The following RNF19A variants were observed in gnomAD, a reference collection of about 807,000 sequenced individuals.
The protein encoded by RNF19A is ring finger protein 19A, RBR E3 ubiquitin protein ligase, also known as E3 ubiquitin-protein ligase RNF19A.
A neutral mutation model predicts 75.7 loss-of-function variants in RNF19A; 32 were observed. That is an observed-to-expected ratio of 0.42 (90% CI 0.32 to 0.57). The LOEUF is 0.57. RNF19A is among the 20% of genes least tolerant of loss of function. The pLI, the probability that RNF19A is intolerant of heterozygous loss-of-function variation, is 0.10. For missense variants in RNF19A, 782 were observed against 1,036.3 expected (o/e 0.75, Z 3.37); for synonymous variants, 335 against 345.2 (o/e 0.97, Z 0.33).
rs145257484 is a variant in RNF19A at position 100,323,398 on chromosome 8, C to T, written c.-242-10026G>A. On this transcript the variant is annotated intron_variant, in intron 1 of 3. Coordinates refer to the RNF19A transcript ENST00000519527. This position sits in a 1 kb window ranked among gnomAD's most constrained non-coding sequence, Gnocchi z 4.6. ...CAGCACTGAAACAGTAAGAAGAAAA[C>T]AGTAGAGAAAGGCAACTAAGTAGAA... 3.3e-4 allele frequency among the ~76,000 whole-genome samples: 50 copies of T among 152,252 alleles called. No homozygotes were observed. Among genetic ancestry groups the T allele is most frequent in the African/African-American group, 1.1e-3 (44 of 41,540 alleles).
intron 2 of RNF19A, among the ~76,000 whole-genome samples, chr8:100,283,372 C>T (rs1353792396): frequency 6.6e-6 from 1 of 152,138 alleles, no homozygotes; most frequent in African/African-American, 2.4e-5. Context: ...CACTGGGATC[C>T]CTCCCCCAAT....
intron 2 of RNF19A, among the ~76,000 whole-genome samples, chr8:100,276,542 AG>A (rs1359878970): frequency 1.3e-5 from 2 of 152,002 alleles, no homozygotes; most frequent in Non-Finnish European, 2.9e-5. Context: ...ACTTGAGGTC[AG>A]GAGTTCAAGA....
At chr8:100,291,092 G>A (rs1318957049) in intron 1 of RNF19A, among the ~76,000 whole-genome samples, 1 of 152,096 alleles carries the variant, frequency 6.6e-6, no homozygotes, top group Non-Finnish European at 1.5e-5. Flanking sequence ...AAGAGAACTT[G>A]GGAGTCAAAA....
intron 1 of RNF19A, among the ~76,000 whole-genome samples, chr8:100,327,085 GA>G (rs5893512): frequency 0.048 from 7,282 of 151,970 alleles, 540 homozygotes; most frequent in African/African-American, 0.17. Flanking sequence ...ATTTTGCTAT[GA>G]AAAAAGTCCC....
intron 7 of RNF19A, 40 bp downstream of exon 7, chr8:100,263,994 G>A (rs770790539): frequency 1.3e-6 from 2 of 1,578,814 alleles, no homozygotes; most frequent in South Asian, 2.3e-5. Flanking sequence ...TACTTACACT[G>A]TTAATAAGCA....
At chr8:100,305,438 G>A (rs17337916) in intron 1 of RNF19A, among the ~76,000 whole-genome samples, 26,425 of 152,112 alleles carry the variant, frequency 0.17, 2,449 homozygotes, top group Middle Eastern at 0.22. Flanking sequence ...CTAGAGCTAC[G>A]CTGTCCAATA....
chr8:100,274,725 A>C (rs1417339463), intron 3 of RNF19A, among the ~76,000 whole-genome samples: 3 of 152,154 alleles, frequency 2.0e-5, no homozygotes, highest in African/African-American at 7.2e-5. Context: ...ATCTTTGGCT[A>C]TCAGTTATAT....
chr8:100,283,570 G>C (rs1820880833), intron 2 of RNF19A, among the ~76,000 whole-genome samples: 1 of 152,156 alleles, frequency 6.6e-6, no homozygotes, highest in African/African-American at 2.4e-5. Flanking sequence ...GCCCTCAAAA[G>C]AGTGGAAAGA....
chr8:100,284,116 G>A lies in RNF19A; in HGVS notation c.674+3385C>T, dbSNP rs1045138354. On this transcript the variant is annotated intron_variant, in intron 2 of 9. Coordinates refer to ENST00000341084, the MANE Select transcript of RNF19A (RefSeq NM_183419.4). The surrounding 1 kb of genome is among the most constrained non-coding windows in gnomAD (Gnocchi z 4.3). ...AAAGCAAAACTTTGGAAATACAGAT[G>A]AAGAATAATAAGTAAGAGCAATGAC... Among the ~76,000 whole-genome samples, 1 of 151,904 alleles carries A rather than the reference G, an allele frequency of 6.6e-6. No individual in the cohort carries two copies. Among genetic ancestry groups the A allele is most frequent in the Non-Finnish European group, 1.5e-5 (1 of 67,962 alleles).
chr8:100,300,275 A>G (rs1821764433), intron 1 of RNF19A, among the ~76,000 whole-genome samples: 1 of 152,242 alleles, frequency 6.6e-6, no homozygotes, highest in Non-Finnish European at 1.5e-5. Context: ...AAAGACAGAA[A>G]AATCTAGGTA....
intron 1 of RNF19A, among the ~76,000 whole-genome samples, chr8:100,305,384 A>G (rs1056293261): frequency 6.6e-6 from 1 of 152,224 alleles, no homozygotes; most frequent in Non-Finnish European, 1.5e-5. Context: ...AAAGACTACA[A>G]AAAGACAAGT....
Position 100,287,867 on chromosome 8 carries a change from G to C in RNF19A, c.308C>G (p.Thr103Ser). 6.2e-7 allele frequency: 1 copy of C among 1,614,136 alleles called. No homozygotes were observed. ...SIESIHSEMC[T>S]DKNSIFSTNT... ...TGTAGAGAAAATGGAGTTCTTATCAGTACACATTTCAGAATGTATACTTTC... is the reference window on the plus strand; with the variant it reads ...TGTAGAGAAAATGGAGTTCTTATCACTACACATTTCAGAATGTATACTTTC... Residue 103 changes from threonine to serine, a missense_variant, in exon 2 of 10, where the codon ACT (threonine) becomes AGT (serine). This residue lies in a region of RNF19A where 148 missense variants were observed against 147.9 expected (regional missense o/e 1.00). Transcript: ENST00000341084. The surrounding 1 kb of genome is among the most constrained non-coding windows in gnomAD (Gnocchi z 4.1).
chr8:100,310,026 C>A (rs1822240731), upstream of RNF19A: 3 of 985,528 alleles, frequency 3.0e-6, no homozygotes, highest in Non-Finnish European at 1.2e-6. Context: ...GGAGTCCCGA[C>A]GGCCGCTTTC....
At chr8:100,276,143 G>C (rs1820499088) in intron 2 of RNF19A, among the ~76,000 whole-genome samples, 2 of 152,058 alleles carry the variant, frequency 1.3e-5, no homozygotes, top group Admixed American at 6.6e-5. Flanking sequence ...ACAAAAACTT[G>C]TACACTAATG....
At chr8:100,315,170 C>A (rs1023965931) in intron 1 of RNF19A, among the ~76,000 whole-genome samples, 5 of 152,130 alleles carry the variant, frequency 3.3e-5, no homozygotes, top group Non-Finnish European at 7.4e-5. Flanking sequence ...CACCTGTAGT[C>A]CGAGCTACTC....
At chr8:100,302,733 T>G (rs994375805) in intron 1 of RNF19A, among the ~76,000 whole-genome samples, 3 of 152,026 alleles carry the variant, frequency 2.0e-5, no homozygotes, top group African/African-American at 7.3e-5. Flanking sequence ...ACAGAAAAGG[T>G]GGAAGGGGGA....
chr8:100,271,710 C>A (rs1820264167), intron 3 of RNF19A, among the ~76,000 whole-genome samples: 1 of 152,114 alleles, frequency 6.6e-6, no homozygotes, highest in Non-Finnish European at 1.5e-5. Flanking sequence ...CCATATCTTT[C>A]ACTCTCTGTA....
chr8:100,269,396 T>G lies in RNF19A; in HGVS notation c.1029-449A>C, dbSNP rs1227661647. ...GTATAAGGTAAGAACCACTGTAAAT[T>G]ATATTAACAAGATACTGATAACTGA... On this transcript the variant is annotated intron_variant, in intron 4 of 9. Coordinates refer to ENST00000341084, the MANE Select transcript of RNF19A (RefSeq NM_183419.4). This position sits in a 1 kb window ranked among gnomAD's most constrained non-coding sequence, Gnocchi z 5.7. Among the ~76,000 whole-genome samples the G allele has an allele frequency of 6.6e-6, 1 of 151,730 alleles. No individual in the cohort carries two copies. The highest frequency in any genetic ancestry group is 1.9e-4 in the East Asian group (1 of 5,182).
At chr8:100,308,689 T>TAA (rs60819091) in intron 1 of RNF19A, among the ~76,000 whole-genome samples, 2 of 149,146 alleles carry the variant, frequency 1.3e-5, no homozygotes, top group Admixed American at 1.3e-4. Context: ...CCATGTTCTT[T>TAA]AAAAAAAAAA....
Sources: gnomAD v4.1 joint callset for allele counts (sites outside exome capture counted in the v4.1 genomes callset) on GRCh38, gnomAD v4.1.1 for gene constraint, gnomAD v4.1.1 regional missense constraint, Gnocchi (gnomAD v3.1) non-coding constraint, MANE v1.5 for transcripts, NCBI Gene and HGNC (gene_info 2026-07-23, HGNC 2026-07-21) for gene names.